Variants in ADTRP observed in about 807,000 individuals in gnomAD.
ADTRP encodes androgen dependent TFPI regulating protein, also known as androgen-dependent TFPI-regulating protein.
Under a neutral mutation model 27.0 loss-of-function variants are expected in ADTRP, and 20 were observed. The ratio of observed to expected loss-of-function variants is 0.74; its 90% CI spans 0.52 to 1.08. ADTRP has a LOEUF of 1.08. ADTRP is among the 50% of genes least tolerant of loss of function. The probability of loss-of-function intolerance (pLI) is 0.00; values close to 1 mark genes in which losing one functional copy is unlikely to be tolerated. For synonymous variants in ADTRP, 101 were observed against 105.2 expected (o/e 0.96, Z 0.25); for missense variants, 251 against 275.0 (o/e 0.91, Z 0.62).
At chr6:11,745,498 G>A (rs1762838927) in intron 3 of ADTRP, among the ~76,000 whole-genome samples, 1 of 152,192 alleles carries the variant, frequency 6.6e-6, no homozygotes, top group Non-Finnish European at 1.5e-5. Flanking sequence ...GGCTCTGAAA[G>A]TGTTAGACGA....
chr6:11,739,546 T>G (rs986069011), intron 3 of ADTRP, among the ~76,000 whole-genome samples: 7 of 151,490 alleles, frequency 4.6e-5, no homozygotes, highest in African/African-American at 1.4e-4. Flanking sequence ...AGTGTAATAA[T>G]CACAGTAGAT....
At chr6:11,716,721 T>TTTTCTTTTTC (rs1173616736) in intron 5 of ADTRP, among the ~76,000 whole-genome samples, 1 of 146,874 alleles carries the variant, frequency 6.8e-6, no homozygotes, top group Non-Finnish European at 1.5e-5. Flanking sequence ...TTCTTTTTCT[T>TTTTCTTTTTC]TTTTTTTTTT....
At chr6:11,759,872 T>A (rs1167023538) in intron 3 of ADTRP, among the ~76,000 whole-genome samples, 1 of 152,050 alleles carries the variant, frequency 6.6e-6, no homozygotes. Context: ...CAAAAGGTGA[T>A]GTGAAGATGG....
At chr6:11,718,308 A>C (rs1003683690) in intron 5 of ADTRP, among the ~76,000 whole-genome samples, 4 of 152,178 alleles carry the variant, frequency 2.6e-5, no homozygotes, top group African/African-American at 9.7e-5. Flanking sequence ...AACCACCCCC[A>C]CATAGCAGAG....
intron 4 of ADTRP, among the ~76,000 whole-genome samples, chr6:11,726,333 A>T (rs1267513570): frequency 6.6e-6 from 1 of 152,042 alleles, no homozygotes; most frequent in Non-Finnish European, 1.5e-5. Context: ...TGGTGTTGGG[A>T]GGGGGAGCCT....
At chr6:11,771,699 C>G (rs1763786534) in intron 1 of ADTRP, among the ~76,000 whole-genome samples, 1 of 152,190 alleles carries the variant, frequency 6.6e-6, no homozygotes, top group South Asian at 2.1e-4. Context: ...ATCCTAACCT[C>G]CAGGACCTCA....
At chr6:11,738,166 TTCATC>T (rs1762606134) in intron 3 of ADTRP, among the ~76,000 whole-genome samples, 1 of 152,170 alleles carries the variant, frequency 6.6e-6, no homozygotes, top group Non-Finnish European at 1.5e-5. Context: ...ACTGTTGTCT[TTCATC>T]TCATCGGTGG....
chr6:11,725,665 C>A (rs1385613636), intron 4 of ADTRP, among the ~76,000 whole-genome samples: 1 of 152,094 alleles, frequency 6.6e-6, no homozygotes, highest in Non-Finnish European at 1.5e-5. Context: ...TCTGATCCAG[C>A]AATTCCACTT....
intron 5 of ADTRP, among the ~76,000 whole-genome samples, chr6:11,719,004 C>T (rs1761922587): frequency 6.6e-6 from 1 of 152,244 alleles, no homozygotes; most frequent in African/African-American, 2.4e-5. Context: ...CCTTCTTGCT[C>T]TCTTGTCCAT....
chr6:11,769,028 G>T (rs1049843497), intron 1 of ADTRP, among the ~76,000 whole-genome samples: 4 of 152,020 alleles, frequency 2.6e-5, no homozygotes, highest in South Asian at 2.1e-4. Flanking sequence ...GCGCTGGTGG[G>T]TTACTAAGTG....
chr6:11,714,974 AG>A (rs1761766323), intron 5 of ADTRP, among the ~76,000 whole-genome samples: 1 of 152,202 alleles, frequency 6.6e-6, no homozygotes. Context: ...CTGGTGGAAA[AG>A]TACTGGCATA....
chr6:11,733,933 GA>G (rs1289898567), intron 4 of ADTRP, among the ~76,000 whole-genome samples: 2 of 152,136 alleles, frequency 1.3e-5, no homozygotes, highest in African/African-American at 4.8e-5. Flanking sequence ...AAAAGGAAAA[GA>G]AAAACAAGGG....
intron 4 of ADTRP, among the ~76,000 whole-genome samples, chr6:11,726,079 C>T (rs1002616613): frequency 5.3e-5 from 8 of 152,050 alleles, no homozygotes; most frequent in African/African-American, 1.9e-4. Context: ...AACATTCTGA[C>T]ACATGCTACC....
At chr6:11,715,333 A>C (rs1761776097) in intron 5 of ADTRP, among the ~76,000 whole-genome samples, 1 of 152,064 alleles carries the variant, frequency 6.6e-6, no homozygotes, top group African/African-American at 2.4e-5. Context: ...TAAACACTAG[A>C]TATCTTATAC....
intron 1 of ADTRP, among the ~76,000 whole-genome samples, chr6:11,774,546 A>AG (rs899138914): frequency 6.6e-6 from 1 of 150,552 alleles, no homozygotes; most frequent in African/African-American, 2.4e-5. Flanking sequence ...TGAGAAGTTG[A>AG]GGGTGATGAC....
intron 3 of ADTRP, among the ~76,000 whole-genome samples, chr6:11,763,593 T>A (rs1414269180): frequency 6.6e-6 from 1 of 152,202 alleles, no homozygotes; most frequent in Non-Finnish European, 1.5e-5. Context: ...AGTGGTGATT[T>A]CCCAGAATTG....
chr6:11,723,470 G>C lies in ADTRP; in HGVS notation c.537C>G (p.Thr179=). 1 of 1,614,112 alleles carries C rather than the reference G, an allele frequency of 6.2e-7. No homozygotes were observed. The highest frequency in any genetic ancestry group is 8.5e-7 in the Non-Finnish European group (1 of 1,180,008). The change falls in exon 5 of 6, where the codon ACC becomes ACG. Residue 179 remains threonine (T), a synonymous_variant. Coordinates refer to ENST00000414691, the MANE Select transcript of ADTRP (RefSeq NM_032744.4). ...GTTTGGCAAACACAGGATACACCCA[G>C]GTACCCGTCTCAAAGTAGAGCCATA... ...RILWLYFETG[T]WVYPVFAKLS...
intron 3 of ADTRP, among the ~76,000 whole-genome samples, chr6:11,746,129 C>A (rs1442283804): frequency 2.0e-5 from 3 of 152,028 alleles, no homozygotes; most frequent in Admixed American, 2.0e-4. Flanking sequence ...AAGAGCAAAA[C>A]AAAACAAAAG....
intron 3 of ADTRP, among the ~76,000 whole-genome samples, chr6:11,761,192 T>C (rs569970458): frequency 6.6e-6 from 1 of 152,350 alleles, no homozygotes; most frequent in East Asian, 1.9e-4. Context: ...CAGCTCATCA[T>C]AGAGGCATCC....
Sources: gnomAD v4.1 joint callset for allele counts (sites outside exome capture counted in the v4.1 genomes callset) on GRCh38, gnomAD v4.1.1 for gene constraint, MANE v1.5 for transcripts, NCBI Gene and HGNC (gene_info 2026-07-23, HGNC 2026-07-21) for gene names.